The following ARPC2 variants were observed in gnomAD, a reference collection of about 807,000 sequenced individuals.
ARPC2 encodes actin related protein 2/3 complex subunit 2, also known as actin-related protein 2/3 complex subunit 2.
ARPC2 carries 4 observed loss-of-function variants against 38.6 expected under a neutral mutation model. That is an observed-to-expected ratio of 0.10 (90% CI 0.05 to 0.24). The LOEUF is 0.24. ARPC2 is among the 10% of genes least tolerant of loss of function. The pLI is 1.00. For missense variants in ARPC2, 229 were observed against 387.3 expected, an observed-to-expected ratio of 0.59 and a Z score of 3.43; for synonymous variants, 125 against 140.8, an observed-to-expected ratio of 0.89 and a Z score of 0.79.
In ARPC2 at chr2:218,237,990, C is replaced by T. The variant is rs868425320; in HGVS notation, c.269-674C>T. Among the ~76,000 whole-genome samples, 26 of 152,328 alleles carry T rather than the reference C, an allele frequency of 1.7e-4. No homozygotes were observed. The Middle Eastern group carries it at 0.02, about 120-fold the overall frequency. ...GGCAAGTCACGTCACTTCTTTGAAT[C>T]TCCTTTTCCCTCTGCAAAACAGTAA... On this transcript the variant is annotated intron_variant, in intron 5 of 10. Transcript: ENST00000315717.
intron 2 of ARPC2, among the ~76,000 whole-genome samples, chr2:218,217,794 A>G (rs545959014): frequency 3.9e-5 from 6 of 152,340 alleles, no homozygotes; most frequent in African/African-American, 1.4e-4. Flanking sequence ...GCCAAAGGGC[A>G]GGAGACCTGT....
chr2:218,237,523 A>G (rs1395534462), intron 5 of ARPC2, among the ~76,000 whole-genome samples: 2 of 132,488 alleles, frequency 1.5e-5, no homozygotes, highest in South Asian at 2.3e-4. Flanking sequence ...CCCACCACCA[A>G]TTTTTTTTTT....
intron 5 of ARPC2, chr2:218,235,352 A>G (rs1002711110): frequency 6.5e-6 from 1 of 153,894 alleles, no homozygotes; most frequent in African/African-American, 2.4e-5. Flanking sequence ...AATTTTTTTA[A>G]TATTTTGTAG....
In ARPC2 at chr2:218,217,527, C is replaced by A. The variant is rs769151697; in HGVS notation, c.57C>A (p.Phe19Leu). Residue 19 changes from phenylalanine to leucine, a missense_variant, in exon 2 of 11, where the codon TTC (phenylalanine) becomes TTA (leucine). Coordinates refer to ENST00000315717, the MANE Select transcript of ARPC2 (RefSeq NM_152862.3). ...RIIEETLALK[F>L]ENAAAGNKPE... Reference sequence around the variant, plus strand: ...TCGAGGAGACGCTCGCGCTCAAGTTCGAGAACGCGGCCGCCGGGTGAGCGC... The same window carrying A: ...TCGAGGAGACGCTCGCGCTCAAGTTAGAGAACGCGGCCGCCGGGTGAGCGC... 42 of 1,613,126 alleles carry A rather than the reference C, an allele frequency of 2.6e-5. No individual in the cohort carries two copies. Among genetic ancestry groups the A allele is most frequent in the South Asian group, 1.1e-5 (1 of 90,996 alleles).
intron 7 of ARPC2, among the ~76,000 whole-genome samples, chr2:218,241,584 A>G (rs1273336431): frequency 1.3e-5 from 2 of 152,234 alleles, no homozygotes. Context: ...TTTTTTACCA[A>G]TCTTATTCCA....
At chr2:218,245,792 A>G (rs113024026) in intron 8 of ARPC2, among the ~76,000 whole-genome samples, 119 of 152,308 alleles carry the variant, frequency 7.8e-4, no homozygotes, top group African/African-American at 2.4e-3. Context: ...AATCTTAAAA[A>G]TAAGACTGAA....
intron 5 of ARPC2, 58 bp downstream of exon 5, chr2:218,234,455 A>G (rs1689719395): frequency 1.5e-6 from 2 of 1,339,320 alleles, no homozygotes; most frequent in Non-Finnish European, 2.1e-6. Context: ...TCCTTTTTAT[A>G]TTATGCTTTT....
Position 218,253,759 on chromosome 2 carries a change from C to T in ARPC2, c.879-132C>T, listed in dbSNP as rs938871718. On this transcript the variant is annotated intron_variant, in intron 10 of 10. Coordinates refer to ENST00000315717, the MANE Select transcript of ARPC2 (RefSeq NM_152862.3). ...AGCCGATGTCCTGTGGTTCCAGTGCCTCTGCTTAAGGAATCTAGCCCTTTC... is the reference window on the plus strand; with the variant it reads ...AGCCGATGTCCTGTGGTTCCAGTGCTTCTGCTTAAGGAATCTAGCCCTTTC... 5 of 1,160,946 alleles carry T rather than the reference C, an allele frequency of 4.3e-6. No individual in the cohort carries two copies. In the African/African-American group the frequency reaches 7.8e-5, roughly 18 times the overall value. 71.9% of individuals were successfully genotyped at this position (1,160,946 alleles called of 1,614,324 possible).
intron 5 of ARPC2, 62 bp downstream of exon 5, chr2:218,234,459 T>A: frequency 7.6e-7 from 1 of 1,311,800 alleles, no homozygotes; most frequent in Non-Finnish European, 1.1e-6. Context: ...TTTTATATTA[T>A]GCTTTTTTTA....
chr2:218,219,572 A>T (rs886880261), intron 2 of ARPC2, among the ~76,000 whole-genome samples: 1 of 151,726 alleles, frequency 6.6e-6, no homozygotes, highest in African/African-American at 2.4e-5. Context: ...CTGGTCTCAA[A>T]CTCCTGGCCT....
chr2:218,241,153 A>G (rs1689905432), intron 7 of ARPC2, among the ~76,000 whole-genome samples: 1 of 152,252 alleles, frequency 6.6e-6, no homozygotes, highest in Admixed American at 6.5e-5. Context: ...AAAGATTTTT[A>G]AATTCTGAAG....
intron 3 of ARPC2, among the ~76,000 whole-genome samples, 169 bp downstream of exon 3, chr2:218,226,123 C>T (rs1460157267): frequency 6.6e-6 from 1 of 151,424 alleles, no homozygotes; most frequent in Non-Finnish European, 1.5e-5. Flanking sequence ...GGTGAAACCC[C>T]CTCTACTAAA....
At position 218,252,586 on chromosome 2, in the gene ARPC2, C is replaced by G. The variant is rs1184151769; in HGVS notation, c.879-1305C>G. Among the ~76,000 whole-genome samples the G allele has an allele frequency of 1.3e-5, 2 of 152,164 alleles. 1 individual carries two copies. Among genetic ancestry groups the G allele is most frequent in the Admixed American group, 1.3e-4 (2 of 15,272 alleles). ...CAGTAGACAGGCAGTTCAGTAGAGGCCAAGAGGTAAACTGGCAGCCAGGTA... is the reference window on the plus strand; with the variant it reads ...CAGTAGACAGGCAGTTCAGTAGAGGGCAAGAGGTAAACTGGCAGCCAGGTA... On this transcript the variant is annotated intron_variant, in intron 10 of 10. Transcript: ENST00000315717.
At chr2:218,239,112 G>A (rs1310879805) in intron 6 of ARPC2, 1 of 570,214 alleles carries the variant, frequency 1.8e-6, no homozygotes. Flanking sequence ...ATGTTTAAGA[G>A]TATAGCCTGG....
At chr2:218,229,085 A>G in intron 4 of ARPC2, 1 of 356,580 alleles carries the variant, frequency 2.8e-6, no homozygotes, top group Non-Finnish European at 5.2e-6. Context: ...CCAAAAACAT[A>G]GCAAAGAATA....
chr2:218,218,481 T>C (rs572702971), intron 2 of ARPC2, among the ~76,000 whole-genome samples: 1 of 152,372 alleles, frequency 6.6e-6, no homozygotes, highest in Non-Finnish European at 1.5e-5. Context: ...TGCTTTGCTT[T>C]TCTAGTATAA....
chr2:218,251,680 T>C (rs1030419178), intron 10 of ARPC2, among the ~76,000 whole-genome samples: 9 of 152,068 alleles, frequency 5.9e-5, no homozygotes, highest in African/African-American at 2.2e-4. Context: ...CTCGAACTCC[T>C]GGACTCAAGT....
chr2:218,220,749 C>A (rs2106142221), intron 2 of ARPC2, among the ~76,000 whole-genome samples: 1 of 136,680 alleles, frequency 7.3e-6, no homozygotes, highest in East Asian at 2.2e-4. Flanking sequence ...TGATCATAAC[C>A]TTTTAATTTG....
chr2:218,223,618 C>G (rs1156254739), intron 2 of ARPC2, among the ~76,000 whole-genome samples: 6 of 152,172 alleles, frequency 3.9e-5, no homozygotes, highest in Non-Finnish European at 8.8e-5. Flanking sequence ...GTCTTCACAC[C>G]AACCTGGGAG....
Sources: gnomAD v4.1 joint callset for allele counts (sites outside exome capture counted in the v4.1 genomes callset) on GRCh38, gnomAD v4.1.1 for gene constraint, MANE v1.5 for transcripts, NCBI Gene and HGNC (gene_info 2026-07-23, HGNC 2026-07-21) for gene names.